The following NCKAP5 variants were observed in gnomAD, a reference collection of about 807,000 sequenced individuals.
The protein encoded by NCKAP5 is nck-associated protein 5.
In NCKAP5, 92 loss-of-function variants were observed where a neutral mutation model predicts 167.0. The observed-to-expected ratio is 0.55, with a 90% confidence interval of 0.47 to 0.66. The LOEUF (loss-of-function observed/expected upper bound fraction) is 0.66. Among genes scored for constraint, NCKAP5 ranks in the 30% least tolerant of loss-of-function variants. The probability of loss-of-function intolerance (pLI) is 0.00; values close to 1 mark genes in which losing one functional copy is unlikely to be tolerated. For missense variants in NCKAP5, 2,378 were observed against 2,315.0 expected (o/e 1.03, Z -0.56); for synonymous variants, 891 against 877.4 (o/e 1.02, Z -0.27).
At chr2:133,215,058 G>T (rs540955993) in intron 4 of NCKAP5, among the ~76,000 whole-genome samples, 1 of 152,354 alleles carries the variant, frequency 6.6e-6, no homozygotes, top group Admixed American at 6.5e-5. Flanking sequence ...GAAGAAGGGA[G>T]ACTAGACTAG....
At chr2:132,803,477 C>T (rs1685192289) in intron 11 of NCKAP5, among the ~76,000 whole-genome samples, 1 of 152,226 alleles carries the variant, frequency 6.6e-6, no homozygotes, top group Non-Finnish European at 1.5e-5. Context: ...CAGCTATATT[C>T]AAAACCTTCT....
chr2:133,220,647 G>C, intron 4 of NCKAP5, among the ~76,000 whole-genome samples: 1 of 152,010 alleles, frequency 6.6e-6, no homozygotes, highest in South Asian at 2.1e-4. Flanking sequence ...GTTGGCATTC[G>C]TAAAATTCAG....
At chr2:133,213,607 GT>G in intron 5 of NCKAP5, 108 bp downstream of exon 5, 2 of 1,048,554 alleles carry the variant, frequency 1.9e-6, no homozygotes, top group South Asian at 2.8e-5. Flanking sequence ...ATATCATTAA[GT>G]TTGCTGCAAG....
chr2:133,111,910 G>A (rs1322601075), intron 6 of NCKAP5, among the ~76,000 whole-genome samples: 1 of 152,102 alleles, frequency 6.6e-6, no homozygotes, highest in East Asian at 1.9e-4. Context: ...ACATAGCACA[G>A]GATGAGTAAT....
chr2:133,432,419 C>G (rs555458808), intron 3 of NCKAP5, among the ~76,000 whole-genome samples: 1 of 152,174 alleles, frequency 6.6e-6, no homozygotes, highest in Non-Finnish European at 1.5e-5. Context: ...GCACGGATCA[C>G]TGAAGTGCTT....
rs370793777 is a variant in NCKAP5, at chr2:133,169,001, G to A, written c.208-38890C>T. The stretch of plus-strand genomic sequence containing the variant: ...CTGGGACCCAGGGGACATGCTAGTC[G>A]TTCTCCATCACTGTCCTTGTAAAGT... On this transcript the variant is annotated intron_variant, in intron 5 of 19. Coordinates refer to ENST00000409261, the MANE Select transcript of NCKAP5 (RefSeq NM_207363.3). 1.1e-4 allele frequency among the ~76,000 whole-genome samples: 17 copies of A among 152,180 alleles called. 1 individual carries two copies. The East Asian group carries it at 1.2e-3, about 10-fold the overall frequency.
chr2:133,663,056 G>A, the NCKAP5 span, among the ~76,000 whole-genome samples: 3 of 152,098 alleles, frequency 2.0e-5, no homozygotes, highest in Admixed American at 6.5e-5. Flanking sequence ...CATGAGGTCA[G>A]GAGATCGAGA....
At chr2:133,265,697 AAGGG>A (rs1309039177) in intron 4 of NCKAP5, among the ~76,000 whole-genome samples, 1 of 151,944 alleles carries the variant, frequency 6.6e-6, no homozygotes, top group Admixed American at 6.6e-5. Flanking sequence ...CTACACGCGC[AAGGG>A]AGGCAGTGCG....
At chr2:132,733,662 C>T (rs1045746689) in intron 16 of NCKAP5, among the ~76,000 whole-genome samples, 23 of 152,142 alleles carry the variant, frequency 1.5e-4, no homozygotes, top group African/African-American at 5.3e-4. Flanking sequence ...AACAGCTTAT[C>T]CTTAAGTATC....
At chr2:133,667,547 T>TAGG in the NCKAP5 span, among the ~76,000 whole-genome samples, 45 of 152,078 alleles carry the variant, frequency 3.0e-4, no homozygotes, top group Admixed American at 9.8e-4. Flanking sequence ...AAGCCCTTGC[T>TAGG]GACTTTCTAC....
chr2:133,132,019 G>A (rs1158775794), intron 5 of NCKAP5, among the ~76,000 whole-genome samples: 2 of 152,082 alleles, frequency 1.3e-5, no homozygotes, highest in African/African-American at 4.8e-5. Context: ...CGAAGAATGT[G>A]AAGTTCACAC....
intron 4 of NCKAP5, among the ~76,000 whole-genome samples, chr2:133,282,538 A>G (rs1464145417): frequency 6.6e-6 from 1 of 152,216 alleles, no homozygotes; most frequent in African/African-American, 2.4e-5. Context: ...CCTAAACTGA[A>G]AACAGGACTT....
chr2:132,959,076 A>ATATAT (rs1239213479), intron 8 of NCKAP5, among the ~76,000 whole-genome samples: 1 of 145,934 alleles, frequency 6.9e-6, no homozygotes, highest in African/African-American at 2.5e-5. Flanking sequence ...TATTAATAAT[A>ATATAT]TATTAATAAA....
chr2:132,850,922 G>A (rs1025698007), intron 11 of NCKAP5, among the ~76,000 whole-genome samples: 3 of 152,030 alleles, frequency 2.0e-5, no homozygotes, highest in East Asian at 1.9e-4. Context: ...CAGTGGCATC[G>A]GCTTCCTATC....
At chr2:132,716,954 T>C (rs1053245756) in intron 19 of NCKAP5, among the ~76,000 whole-genome samples, 17 of 152,212 alleles carry the variant, frequency 1.1e-4, no homozygotes, top group Admixed American at 1.0e-3. Context: ...GTTTTTTGTT[T>C]GTTTTGTTAT....
chr2:132,930,030 C>T (rs180976703), intron 8 of NCKAP5: 1 of 152,160 alleles, frequency 6.6e-6, no homozygotes, highest in Admixed American at 6.5e-5. Context: ...GGACTTCAAG[C>T]CCCAGCATGA....
chr2:133,423,651 T>C (rs1402689773), intron 3 of NCKAP5, among the ~76,000 whole-genome samples: 2 of 152,202 alleles, frequency 1.3e-5, no homozygotes, highest in Non-Finnish European at 2.9e-5. Context: ...ATGTGACCTT[T>C]AGTTGGTTTT....
At chr2:132,719,115 T>C (rs1367532762) in intron 19 of NCKAP5, among the ~76,000 whole-genome samples, 1 of 152,064 alleles carries the variant, frequency 6.6e-6, no homozygotes, top group Non-Finnish European at 1.5e-5. Context: ...AGCAAAAGCA[T>C]GGAAGCCTCC....
intron 8 of NCKAP5, among the ~76,000 whole-genome samples, chr2:132,902,112 G>A (rs548775755): frequency 5.9e-5 from 9 of 152,262 alleles, no homozygotes; most frequent in South Asian, 2.1e-4. Context: ...TAATAAACCC[G>A]ATTTTACAGC....
Sources: gnomAD v4.1 joint callset for allele counts (sites outside exome capture counted in the v4.1 genomes callset) on GRCh38, gnomAD v4.1.1 for gene constraint, MANE v1.5 for transcripts, NCBI Gene and HGNC (gene_info 2026-07-23, HGNC 2026-07-21) for gene names.